Variants in ERC2 observed in about 807,000 individuals in gnomAD.
ERC2 encodes the protein ERC protein 2.
Under a neutral mutation model 114.8 loss-of-function variants are expected in ERC2, and 42 were observed. That is an observed-to-expected ratio of 0.37 (90% confidence interval 0.29 to 0.47). ERC2 has a LOEUF of 0.47. Ranked by LOEUF, ERC2 falls within the 20% of genes least tolerant of loss-of-function variation. ERC2 has a pLI of 0.99. For synonymous variants in ERC2, 454 were observed against 425.5 expected, an observed-to-expected ratio of 1.07 and a Z score of -0.82; for missense variants, 939 against 1,150.7, an observed-to-expected ratio of 0.82 and a Z score of 2.66.
chr3:56,463,340 GA>G (rs1440040615), intron 1 of ERC2, among the ~76,000 whole-genome samples: 1 of 152,212 alleles, frequency 6.6e-6, no homozygotes, highest in East Asian at 1.9e-4. Context: ...TTAAAGAGCT[GA>G]AAAGTTCTTG....
chr3:56,348,470 C>T (rs953897399), intron 2 of ERC2, among the ~76,000 whole-genome samples: 2 of 149,410 alleles, frequency 1.3e-5, no homozygotes, highest in African/African-American at 4.9e-5. Context: ...TCAAGGGAGG[C>T]AAATATATAT....
chr3:55,783,207 G>A (rs1461955892), intron 14 of ERC2, among the ~76,000 whole-genome samples: 1 of 152,232 alleles, frequency 6.6e-6, no homozygotes, highest in Non-Finnish European at 1.5e-5. Context: ...TCACCTGGAG[G>A]AAGTGTGCAC....
At chr3:56,141,961 T>A (rs975531882) in intron 5 of ERC2, among the ~76,000 whole-genome samples, 3 of 152,200 alleles carry the variant, frequency 2.0e-5, no homozygotes, top group African/African-American at 7.2e-5. Context: ...AAGTAGGAAG[T>A]GTTCCTTCCT....
At chr3:55,961,535 C>T (rs890690689) in intron 12 of ERC2, among the ~76,000 whole-genome samples, 2 of 152,126 alleles carry the variant, frequency 1.3e-5, no homozygotes, top group South Asian at 2.1e-4. Context: ...AGTGATCACA[C>T]CTACCTTCTT....
chr3:55,823,206 C>T (rs1168427527), intron 14 of ERC2, among the ~76,000 whole-genome samples: 1 of 152,158 alleles, frequency 6.6e-6, no homozygotes, highest in African/African-American at 2.4e-5. Flanking sequence ...TGGCCATGGG[C>T]ACTCACCCAT....
intron 2 of ERC2, among the ~76,000 whole-genome samples, chr3:56,301,441 G>A (rs911661889): frequency 7.9e-5 from 12 of 151,974 alleles, no homozygotes; most frequent in Non-Finnish European, 4.4e-5. Flanking sequence ...TCATCCTTTT[G>A]CTTTACATAA....
intron 12 of ERC2, among the ~76,000 whole-genome samples, chr3:55,975,190 T>TA (rs112414816): frequency 0.082 from 11,781 of 143,770 alleles, 587 homozygotes; most frequent in East Asian, 0.24. Flanking sequence ...GGAGTTGCTA[T>TA]AAAAAAAAAA....
chr3:56,242,565 G>A (rs2051396023), intron 3 of ERC2, among the ~76,000 whole-genome samples: 1 of 151,964 alleles, frequency 6.6e-6, no homozygotes, highest in Non-Finnish European at 1.5e-5. Context: ...TGAATACTTA[G>A]GAACTTTTAA....
chr3:56,289,195 C>T (rs936782878), intron 3 of ERC2, among the ~76,000 whole-genome samples: 9 of 152,118 alleles, frequency 5.9e-5, no homozygotes, highest in African/African-American at 2.2e-4. Context: ...TGTACCATAT[C>T]TGCCTGCACA....
chr3:55,791,923 G>A (rs1448042295), intron 14 of ERC2, among the ~76,000 whole-genome samples: 7 of 152,200 alleles, frequency 4.6e-5, no homozygotes, highest in Non-Finnish European at 1.0e-4. Flanking sequence ...TAAGGAGTAT[G>A]TGAACATTTT....
chr3:55,516,115 G>A (rs2052480917), intron 17 of ERC2, among the ~76,000 whole-genome samples: 1 of 152,150 alleles, frequency 6.6e-6, no homozygotes, highest in Non-Finnish European at 1.5e-5. Context: ...TAAAAGGCAA[G>A]CCCCTGATAG....
chr3:55,832,048 G>C (rs935410238), intron 14 of ERC2, among the ~76,000 whole-genome samples: 1 of 152,246 alleles, frequency 6.6e-6, no homozygotes, highest in African/African-American at 2.4e-5. Flanking sequence ...CAGCGAGGCT[G>C]GGGGAGGGGC....
chr3:55,974,252 C>T lies in ERC2; in HGVS notation c.2267+11725G>A, dbSNP rs567174317. Among the ~76,000 whole-genome samples, 7 of 152,336 alleles carry T rather than the reference C, an allele frequency of 4.6e-5. No individual in the cohort carries two copies. In the South Asian group the frequency reaches 1.5e-3, roughly 32 times the overall value. On this transcript the variant is annotated intron_variant, in intron 12 of 17. Transcript: ENST00000288221. ...TAACGATGAGGAAGGAACGATTCCA[C>T]AGTGTGATTACTAGCCGGACAGGGG...
intron 17 of ERC2, among the ~76,000 whole-genome samples, chr3:55,599,600 TA>T (rs1196500648): frequency 6.6e-6 from 1 of 152,192 alleles, no homozygotes; most frequent in African/African-American, 2.4e-5. Flanking sequence ...ATGGAAAATG[TA>T]GAACTTGTTC....
intron 14 of ERC2, among the ~76,000 whole-genome samples, chr3:55,798,901 T>C (rs1309928555): frequency 6.7e-6 from 1 of 149,662 alleles, no homozygotes; most frequent in African/African-American, 2.5e-5. Context: ...GAACATTATT[T>C]TTAAAAAATA....
chr3:55,538,570 G>A (rs902895827), intron 17 of ERC2, among the ~76,000 whole-genome samples: 21 of 152,180 alleles, frequency 1.4e-4, no homozygotes, highest in Non-Finnish European at 2.5e-4. Flanking sequence ...TTTGTTGAAC[G>A]GCATTGCGTG....
chr3:56,361,295 G>T (rs1328530887), intron 2 of ERC2, among the ~76,000 whole-genome samples: 1 of 152,128 alleles, frequency 6.6e-6, no homozygotes, highest in Admixed American at 6.5e-5. Context: ...AGACAAGGAC[G>T]TCCAAGTCTG....
At position 56,118,705 on chromosome 3, in the gene ERC2, C is replaced by A. The variant is rs1031900910; in HGVS notation, c.1473+20804G>T. On this transcript the variant is annotated intron_variant, in intron 6 of 17. Transcript: ENST00000288221. Reference sequence around the variant, plus strand: ...AGGCTGGAGTGCAGTGGCGTGATCTCGGCTCACTGCAAGTTCCGCCTCCCG... The same window carrying A: ...AGGCTGGAGTGCAGTGGCGTGATCTAGGCTCACTGCAAGTTCCGCCTCCCG... Among the ~76,000 whole-genome samples, 6 of 147,186 alleles carry A rather than the reference C, an allele frequency of 4.1e-5. No homozygotes were observed. The Admixed American group carries it at 4.2e-4, about 10-fold the overall frequency.
intron 17 of ERC2, among the ~76,000 whole-genome samples, chr3:55,536,525 A>G (rs890840374): frequency 4.6e-5 from 7 of 152,220 alleles, no homozygotes; most frequent in African/African-American, 1.4e-4. Context: ...GGCTGAGCTG[A>G]CTTGATGCAG....
Sources: allele counts gnomAD v4.1 joint callset (sites outside exome capture counted in the v4.1 genomes callset), GRCh38; gene constraint gnomAD v4.1.1; transcripts MANE v1.5; gene names NCBI Gene and HGNC (gene_info 2026-07-23, HGNC 2026-07-21).